The following MYRIP variants were observed in gnomAD, a reference collection of about 807,000 sequenced individuals.
MYRIP encodes rab effector MyRIP.
MYRIP carries 49 observed loss-of-function variants against 98.0 expected under a neutral mutation model. That is an observed-to-expected ratio of 0.50 (90% CI 0.40 to 0.63). The LOEUF (loss-of-function observed/expected upper bound fraction) is 0.63, where lower values mean the gene tolerates loss of function less well. Ranked by LOEUF, MYRIP falls within the 30% of genes least tolerant of loss-of-function variation. MYRIP has a pLI of 0.00. For missense variants in MYRIP, 1,004 were observed against 1,058.2 expected, an observed-to-expected ratio of 0.95 and a Z score of 0.71; for synonymous variants, 404 against 409.5, an observed-to-expected ratio of 0.99 and a Z score of 0.16.
intron 4 of MYRIP, among the ~76,000 whole-genome samples, chr3:40,159,714 A>G (rs886123662): frequency 7.9e-5 from 12 of 151,922 alleles, no homozygotes; most frequent in African/African-American, 2.9e-4. Context: ...TTTTTTCTCT[A>G]AACTTCCCTT....
chr3:40,034,345 G>C (rs1163767810), intron 2 of MYRIP, among the ~76,000 whole-genome samples: 1 of 152,010 alleles, frequency 6.6e-6, no homozygotes, highest in Non-Finnish European at 1.5e-5. Context: ...CTAATATCCA[G>C]AATTTTCAGT....
chr3:40,209,837 T>C lies in MYRIP; in HGVS notation c.1666-17T>C. On this transcript the variant is annotated splice_polypyrimidine_tract_variant and intron_variant, in intron 10 of 16. Coordinates refer to ENST00000302541, the MANE Select transcript of MYRIP (RefSeq NM_015460.4). ...TAGCAGAGGGCTCCTCATCTCATGA[T>C]TCTGGCTTTCATTTAGGTGTCGGAT... The C allele has an allele frequency of 6.2e-7, 1 of 1,613,698 alleles. No individual in the cohort carries two copies. The highest frequency in any genetic ancestry group is 8.5e-7 in the Non-Finnish European group (1 of 1,179,734).
chr3:40,216,488 C>A (rs979837411), intron 11 of MYRIP, among the ~76,000 whole-genome samples: 2 of 152,184 alleles, frequency 1.3e-5, no homozygotes, highest in South Asian at 2.1e-4. Context: ...CTCCTATAAA[C>A]GGAAATGCCA....
intron 3 of MYRIP, among the ~76,000 whole-genome samples, chr3:40,114,046 C>T (rs970900414): frequency 2.6e-5 from 4 of 152,090 alleles, no homozygotes; most frequent in African/African-American, 9.7e-5. Flanking sequence ...ACACATAAAG[C>T]CCACAAAACT....
intron 2 of MYRIP, among the ~76,000 whole-genome samples, chr3:40,027,420 T>G (rs1289904681): frequency 1.3e-5 from 2 of 152,096 alleles, no homozygotes; most frequent in African/African-American, 2.4e-5. Context: ...GCACTTGTGC[T>G]CCTCCTGTCT....
chr3:40,072,577 T>C (rs1019639698), intron 3 of MYRIP, among the ~76,000 whole-genome samples: 1 of 152,216 alleles, frequency 6.6e-6, no homozygotes, highest in African/African-American at 2.4e-5. Context: ...TGTAATATTT[T>C]TATTGTCACT....
At chr3:40,036,324 A>ACAAAAC (rs1553607294) in intron 2 of MYRIP, among the ~76,000 whole-genome samples, 31 of 125,660 alleles carry the variant, frequency 2.5e-4, no homozygotes, top group East Asian at 2.0e-3. Context: ...AAAAAAAAAA[A>ACAAAAC]CTTTATTCAA....
intron 2 of MYRIP, among the ~76,000 whole-genome samples, chr3:39,927,034 A>T (rs1944433656): frequency 6.6e-6 from 1 of 151,590 alleles, no homozygotes; most frequent in East Asian, 1.9e-4. Context: ...TCCTTGAGAG[A>T]TCTTTCACCT....
At chr3:40,058,918 G>T (rs28377005) in intron 3 of MYRIP, among the ~76,000 whole-genome samples, 43,316 of 150,450 alleles carry the variant, frequency 0.29, 6,417 homozygotes, top group East Asian at 0.35. Context: ...TTTCTCCTAA[G>T]GCTATCCCTC....
rs189404727 is a variant in MYRIP, at chr3:40,177,715, C to T, written c.874-4505C>T. Among the ~76,000 whole-genome samples the T allele has an allele frequency of 2.9e-3, 440 of 152,308 alleles. 2 individuals are homozygous for T. Among genetic ancestry groups the T allele is most frequent in the Non-Finnish European group, 3.0e-3 (204 of 68,032 alleles). ...AGGCACCAGTGTGGGTGTTATAACT[C>T]ATTTCATGCCTCTTTGGGTGCATGC... On this transcript the variant is annotated intron_variant, in intron 8 of 16. Coordinates refer to ENST00000302541, the MANE Select transcript of MYRIP (RefSeq NM_015460.4).
intron 11 of MYRIP, among the ~76,000 whole-genome samples, chr3:40,218,631 T>TATA (rs1559460609): frequency 3.2e-3 from 45 of 13,914 alleles, no homozygotes; most frequent in Admixed American, 4.9e-3. Context: ...TATATATATA[T>TATA]ATATATATAT....
intron 2 of MYRIP, among the ~76,000 whole-genome samples, chr3:40,031,158 G>A (rs1044410416): frequency 6.6e-6 from 1 of 152,058 alleles, no homozygotes; most frequent in Non-Finnish European, 1.5e-5. Flanking sequence ...CTGATTTGGT[G>A]TCTGTCCGCT....
At chr3:39,962,263 A>G (rs1208511846) in intron 2 of MYRIP, among the ~76,000 whole-genome samples, 2 of 152,112 alleles carry the variant, frequency 1.3e-5, no homozygotes, top group African/African-American at 4.8e-5. Context: ...ACATGTGGTA[A>G]TCCCTCAGTA....
At chr3:40,106,251 T>C (rs78163976) in intron 3 of MYRIP, among the ~76,000 whole-genome samples, 4,119 of 151,956 alleles carry the variant, frequency 0.027, 174 homozygotes, top group East Asian at 0.23. Context: ...CTCACCTACA[T>C]GTGAAAAGAA....
chr3:40,258,944 C>T lies in MYRIP; in HGVS notation c.*778C>T, dbSNP rs772599787. 6.6e-6 allele frequency: 1 copy of T among 152,176 alleles called. No homozygotes were observed. Among genetic ancestry groups the T allele is most frequent in the Admixed American group, 6.5e-5 (1 of 15,272 alleles). 9.4% of individuals were successfully genotyped at this position (152,176 alleles called of 1,614,324 possible). On this transcript the variant is annotated 3_prime_UTR_variant, in exon 17 of 17. Transcript: ENST00000302541. Reference sequence around the variant, plus strand: ...GAAGGGGAAAGGGTCTTGAGAAAGACCATCACTGGCTCAACTTTAGGGCAC... The same window carrying T: ...GAAGGGGAAAGGGTCTTGAGAAAGATCATCACTGGCTCAACTTTAGGGCAC...
intron 1 of MYRIP, 89 bp downstream of exon 1, chr3:39,810,005 T>A (rs1940613440): frequency 6.6e-6 from 1 of 152,316 alleles, no homozygotes; most frequent in Non-Finnish European, 1.5e-5. Flanking sequence ...GGTGGGTGTG[T>A]GAAGGTGTGG....
chr3:40,119,736 G>A (rs1949359415), intron 3 of MYRIP, among the ~76,000 whole-genome samples: 1 of 151,320 alleles, frequency 6.6e-6, no homozygotes. Context: ...CCTGGACACA[G>A]GAAGGGGAAC....
intron 1 of MYRIP, among the ~76,000 whole-genome samples, chr3:39,822,069 G>A (rs1328072282): frequency 6.6e-6 from 1 of 152,090 alleles, no homozygotes; most frequent in African/African-American, 2.4e-5. Context: ...TGTATATTTT[G>A]AAGGTGCCTT....
At chr3:40,027,153 A>G (rs1197634286) in intron 2 of MYRIP, among the ~76,000 whole-genome samples, 1 of 151,946 alleles carries the variant, frequency 6.6e-6, no homozygotes, top group Non-Finnish European at 1.5e-5. Flanking sequence ...CTCTCTTTCC[A>G]TGAACAGCTT....
Sources: allele counts gnomAD v4.1 joint callset (sites outside exome capture counted in the v4.1 genomes callset), GRCh38; gene constraint gnomAD v4.1.1; transcripts MANE v1.5; gene names NCBI Gene and HGNC (gene_info 2026-07-23, HGNC 2026-07-21).